KIAA1328: variants seen among roughly 807,000 people sequenced by gnomAD.
KIAA1328 encodes the protein protein hinderin.
KIAA1328 carries 52 observed loss-of-function variants against 68.1 expected under a neutral mutation model. The ratio of observed to expected loss-of-function variants is 0.76; its 90% confidence interval spans 0.61 to 0.96. The LOEUF is 0.96. Among genes scored for constraint, KIAA1328 ranks in the 40% least tolerant of loss-of-function variants. The probability of loss-of-function intolerance (pLI) is 0.00; values close to 1 mark genes in which losing one functional copy is unlikely to be tolerated. For missense variants in KIAA1328, 641 were observed against 677.6 expected, an observed-to-expected ratio of 0.95 and a Z score of 0.60; for synonymous variants, 232 against 239.4, an observed-to-expected ratio of 0.97 and a Z score of 0.28.
chr18:37,080,495 G>T (rs1436284166), intron 7 of KIAA1328, among the ~76,000 whole-genome samples: 1 of 152,154 alleles, frequency 6.6e-6, no homozygotes, highest in African/African-American at 2.4e-5. Context: ...AGTCATGCTG[G>T]GCCGGGCGCG....
intron 6 of KIAA1328, among the ~76,000 whole-genome samples, chr18:37,033,027 T>C (rs1243493967): frequency 6.6e-6 from 1 of 152,248 alleles, no homozygotes; most frequent in African/African-American, 2.4e-5. Context: ...CTTACTCTTA[T>C]GATCTTTCTT....
In KIAA1328 at chr18:37,041,144, G is replaced by T. The variant is rs2055228237; in HGVS notation, c.577-25746G>T. Among the ~76,000 whole-genome samples, 7 of 151,950 alleles carry T rather than the reference G, an allele frequency of 4.6e-5. No individual in the cohort carries two copies. The South Asian group carries it at 1.5e-3, about 32-fold the overall frequency. On this transcript the variant is annotated intron_variant, in intron 6 of 9. Transcript: ENST00000280020. Reference sequence around the variant, plus strand: ...GTTGTTCCAGCAAGTATTGAAAATGGTATATTGAAGACTGATGCTTGTTAT... The same window carrying T: ...GTTGTTCCAGCAAGTATTGAAAATGTTATATTGAAGACTGATGCTTGTTAT...
At chr18:36,877,514 G>GTTTT (rs34759198) in intron 4 of KIAA1328, among the ~76,000 whole-genome samples, 2 of 119,186 alleles carry the variant, frequency 1.7e-5, no homozygotes, top group African/African-American at 3.0e-5. Context: ...TTTTTTGTTG[G>GTTTT]TTTTTTTTTT....
chr18:37,105,423 C>T (rs1169299125), intron 7 of KIAA1328, among the ~76,000 whole-genome samples: 1 of 143,302 alleles, frequency 7.0e-6, no homozygotes, highest in Non-Finnish European at 1.5e-5. Flanking sequence ...CCCAGGACTT[C>T]GAAGTTATAG....
chr18:37,021,700 T>A (rs1285285725), intron 6 of KIAA1328, among the ~76,000 whole-genome samples: 1 of 152,128 alleles, frequency 6.6e-6, no homozygotes, highest in Non-Finnish European at 1.5e-5. Flanking sequence ...CCCCCCTCCC[T>A]CTGTCTCTGT....
chr18:36,873,322 T>G (rs1458607823), intron 4 of KIAA1328, among the ~76,000 whole-genome samples: 1 of 152,248 alleles, frequency 6.6e-6, no homozygotes, highest in African/African-American at 2.4e-5. Flanking sequence ...ATGATAGTGT[T>G]GGTAAACATT....
intron 7 of KIAA1328, among the ~76,000 whole-genome samples, chr18:37,093,314 T>C (rs1324753842): frequency 6.6e-6 from 1 of 151,968 alleles, no homozygotes; most frequent in Non-Finnish European, 1.5e-5. Flanking sequence ...AAGGAAATTA[T>C]GAAATGCCAA....
intron 6 of KIAA1328, among the ~76,000 whole-genome samples, chr18:36,967,988 A>T (rs1170051203): frequency 1.3e-5 from 2 of 152,208 alleles, no homozygotes; most frequent in African/African-American, 4.8e-5. Context: ...ATGGGGAGAA[A>T]CAACTTGGAA....
At chr18:37,217,294 G>A (rs532389808) in intron 9 of KIAA1328, among the ~76,000 whole-genome samples, 57 of 152,078 alleles carry the variant, frequency 3.7e-4, no homozygotes, top group African/African-American at 1.1e-3. Flanking sequence ...ATGTTTTTGC[G>A]GTGGCTGGTA....
intron 9 of KIAA1328, among the ~76,000 whole-genome samples, chr18:37,221,252 G>C (rs2060557290): frequency 6.6e-6 from 1 of 152,182 alleles, no homozygotes; most frequent in South Asian, 2.1e-4. Flanking sequence ...CAAACTTCTA[G>C]AAAAAGTGGA....
intron 2 of KIAA1328, 150 bp from the exon 3 acceptor site, chr18:36,835,084 A>C (rs769899683): frequency 4.1e-5 from 21 of 516,522 alleles, no homozygotes; most frequent in Non-Finnish European, 6.5e-5. Context: ...TATGATTCAT[A>C]TATTAAGAGC....
intron 7 of KIAA1328, among the ~76,000 whole-genome samples, chr18:37,136,428 T>G (rs1236836277): frequency 2.0e-5 from 3 of 152,220 alleles, no homozygotes; most frequent in African/African-American, 7.2e-5. Flanking sequence ...TGAAGCTTCA[T>G]AAGTACATGC....
At chr18:36,963,754 G>A (rs1396737554) in intron 6 of KIAA1328, among the ~76,000 whole-genome samples, 1 of 152,092 alleles carries the variant, frequency 6.6e-6, no homozygotes, top group Admixed American at 6.5e-5. Flanking sequence ...GCCCATCTCT[G>A]TAATGTCACC....
chr18:37,041,435 G>A (rs1247810953), intron 6 of KIAA1328, among the ~76,000 whole-genome samples: 1 of 151,230 alleles, frequency 6.6e-6, no homozygotes, highest in African/African-American at 2.4e-5. Flanking sequence ...ATATGAATCT[G>A]AAATGTATTA....
At chr18:36,952,727 G>T (rs1191396174) in intron 5 of KIAA1328, among the ~76,000 whole-genome samples, 3 of 152,142 alleles carry the variant, frequency 2.0e-5, no homozygotes, top group African/African-American at 7.2e-5. Context: ...AAGCTTGGCG[G>T]GTCTTTTTTG....
Position 36,956,471 on chromosome 18 carries a change from C to T in KIAA1328, c.449-2837C>T, listed in dbSNP as rs942467052. On this transcript the variant is annotated intron_variant, in intron 5 of 9. Coordinates refer to ENST00000280020, the MANE Select transcript of KIAA1328 (RefSeq NM_020776.3). ...AAATCATTGAGAAGGACGTTTTGTC[C>T]GCATTTTCCTAACATAAATCTTTCT... is the stretch of plus-strand genomic sequence containing the variant. 1.0e-4 allele frequency among the ~76,000 whole-genome samples: 15 copies of T among 150,392 alleles called. No individual in the cohort carries two copies. In the South Asian group the frequency reaches 1.0e-3, roughly 10 times the overall value.
intron 5 of KIAA1328, among the ~76,000 whole-genome samples, chr18:36,928,255 A>G (rs770339267): frequency 2.0e-5 from 3 of 152,102 alleles, no homozygotes; most frequent in Non-Finnish European, 4.4e-5. Context: ...GGATGAAGAT[A>G]AAGGTCTTGA....
chr18:36,914,729 G>C (rs926562937), intron 5 of KIAA1328, among the ~76,000 whole-genome samples: 2 of 151,806 alleles, frequency 1.3e-5, no homozygotes, highest in Non-Finnish European at 2.9e-5. Flanking sequence ...CATTTAAAAA[G>C]TTAGATAAAA....
At chr18:37,125,709 T>G (rs2058373250) in intron 7 of KIAA1328, among the ~76,000 whole-genome samples, 1 of 152,178 alleles carries the variant, frequency 6.6e-6, no homozygotes. Context: ...AAATACAGAT[T>G]GGTCATCCCT....
Sources: allele counts gnomAD v4.1 joint callset (sites outside exome capture counted in the v4.1 genomes callset), GRCh38; gene constraint gnomAD v4.1.1; transcripts MANE v1.5; gene names NCBI Gene and HGNC (gene_info 2026-07-23, HGNC 2026-07-21).